Variants in DLG1 observed in about 807,000 individuals in gnomAD.
The protein encoded by DLG1 is disks large homolog 1.
Under a neutral mutation model 123.4 loss-of-function variants are expected in DLG1, and 42 were observed. The ratio of observed to expected loss-of-function variants is 0.34; its 90% CI spans 0.27 to 0.44. The LOEUF is 0.44. DLG1 is among the 20% of genes least tolerant of loss of function. DLG1 has a pLI of 1.00. For synonymous variants in DLG1, 317 were observed against 356.2 expected (o/e 0.89, Z 1.24); for missense variants, 942 against 1,082.6 (o/e 0.87, Z 1.82).
At chr3:197,283,869 T>TC (rs1770548919) in intron 3 of DLG1, among the ~76,000 whole-genome samples, 1 of 149,364 alleles carries the variant, frequency 6.7e-6, no homozygotes, top group African/African-American at 2.5e-5. Context: ...GTTTTTTTTT[T>TC]TTTTTTTTTT....
At chr3:197,181,160 TG>T (rs1447984854) in intron 5 of DLG1, among the ~76,000 whole-genome samples, 1 of 152,034 alleles carries the variant, frequency 6.6e-6, no homozygotes, top group Admixed American at 6.6e-5. Context: ...TGTGTATATT[TG>T]GGGGGATATT....
At chr3:197,064,435 C>T (rs965797814) in intron 22 of DLG1, among the ~76,000 whole-genome samples, 2 of 152,184 alleles carry the variant, frequency 1.3e-5, no homozygotes, top group South Asian at 2.1e-4. Flanking sequence ...TCAGGTGATC[C>T]GCCTGCCTTG....
At chr3:197,094,622 T>A (rs1449788666) in intron 14 of DLG1, among the ~76,000 whole-genome samples, 2 of 152,218 alleles carry the variant, frequency 1.3e-5, no homozygotes, top group African/African-American at 4.8e-5. Context: ...TGTTATATAC[T>A]CTCTTCCTTA....
At chr3:197,047,610 C>CAAAT (rs996118210) in intron 24 of DLG1, among the ~76,000 whole-genome samples, 4 of 147,090 alleles carry the variant, frequency 2.7e-5, no homozygotes, top group East Asian at 2.0e-4. Context: ...TTTTTTTAAA[C>CAAAT]AAATAGTATT....
intron 5 of DLG1, among the ~76,000 whole-genome samples, chr3:197,190,774 G>T (rs1239455268): frequency 6.6e-6 from 1 of 152,214 alleles, no homozygotes; most frequent in African/African-American, 2.4e-5. Flanking sequence ...ACTGTGGGAG[G>T]CCGAGGCGGG....
At chr3:197,063,513 T>G (rs1234299063) in intron 22 of DLG1, among the ~76,000 whole-genome samples, 1 of 152,194 alleles carries the variant, frequency 6.6e-6, no homozygotes, top group Non-Finnish European at 1.5e-5. Flanking sequence ...TTTCTCTTAT[T>G]TTATACCGTA....
chr3:197,292,332 C>T (rs1479938711), intron 3 of DLG1, among the ~76,000 whole-genome samples: 3 of 152,142 alleles, frequency 2.0e-5, no homozygotes, highest in African/African-American at 7.2e-5. Flanking sequence ...ATGAACCTTG[C>T]GGACTCTACA....
chr3:197,192,583 T>G (rs1561369126), intron 5 of DLG1, among the ~76,000 whole-genome samples: 1 of 152,114 alleles, frequency 6.6e-6, no homozygotes, highest in Non-Finnish European at 1.5e-5. Flanking sequence ...TCTCCTTAAC[T>G]CTCTTTTAGT....
At position 197,043,150 on chromosome 3, in the gene DLG1, T is replaced by TAACA. The variant is rs1721124987; in HGVS notation, c.*1469_*1472dup. On this transcript the variant is annotated 3_prime_UTR_variant, in exon 25 of 25. Transcript: ENST00000667157. ...TTGTGAAATAATTTCTACCTTTCAC[T>TAACA]AACATTTCTTAAAATTGCTCACCAT... 6.6e-6 allele frequency: 1 copy of TAACA among 152,218 alleles called. No individual in the cohort carries two copies. 9.4% of individuals were successfully genotyped at this position (152,218 alleles called of 1,614,324 possible). A position where few individuals can be genotyped will look rare whatever the true frequency, so the allele number is the denominator to read the frequency against.
intron 4 of DLG1, among the ~76,000 whole-genome samples, chr3:197,234,656 C>T (rs1745019171): frequency 6.6e-6 from 1 of 151,888 alleles, no homozygotes; most frequent in South Asian, 2.1e-4. Flanking sequence ...ACTGGGGGAA[C>T]AAAGAAAGAG....
At position 197,293,669 on chromosome 3, in the gene DLG1, C is replaced by T. The variant is rs146699859; in HGVS notation, c.151+2677G>A. On this transcript the variant is annotated intron_variant, in intron 3 of 24. Transcript: ENST00000667157. ...ATGCATGAAAAGTCAATATAAACTA[C>T]CAGTTCAAAGAATCAATCAATAAAT... Among the ~76,000 whole-genome samples, 63 of 152,034 alleles carry T rather than the reference C, an allele frequency of 4.1e-4. No individual in the cohort carries two copies. The East Asian group carries it at 9.9e-3, about 24-fold the overall frequency.
intron 13 of DLG1, among the ~76,000 whole-genome samples, chr3:197,106,930 T>C (rs565159181): frequency 5.3e-5 from 8 of 152,318 alleles, no homozygotes; most frequent in Non-Finnish European, 7.4e-5. Flanking sequence ...GTTTTTGGTA[T>C]ATTTGCAAGT....
intron 5 of DLG1, among the ~76,000 whole-genome samples, chr3:197,151,596 G>A (rs984235430): frequency 1.3e-5 from 2 of 152,298 alleles, no homozygotes; most frequent in East Asian, 1.9e-4. Flanking sequence ...TATACATAGA[G>A]TTCATTGTAC....
At chr3:197,061,353 A>G (rs1735655414) in intron 22 of DLG1, among the ~76,000 whole-genome samples, 1 of 152,202 alleles carries the variant, frequency 6.6e-6, no homozygotes, top group Non-Finnish European at 1.5e-5. Flanking sequence ...CTCTTTCTAT[A>G]TATGTACATA....
At chr3:197,075,542 T>C (rs902815937) in intron 18 of DLG1, among the ~76,000 whole-genome samples, 9 of 151,978 alleles carry the variant, frequency 5.9e-5, no homozygotes, top group Non-Finnish European at 1.3e-4. Flanking sequence ...ATCTTAAAAG[T>C]TTTTATATTT....
chr3:197,156,035 C>T lies in DLG1; in HGVS notation c.484-6239G>A, dbSNP rs555762607. 3.2e-3 allele frequency among the ~76,000 whole-genome samples: 486 copies of T among 152,262 alleles called. 3 individuals carry two copies. Among genetic ancestry groups the T allele is most frequent in the Middle Eastern group, 0.014 (4 of 294 alleles). ...AATCAATTATTAGTTTAAAAGCTAA[C>T]ATTATAACTTTGATTTGTAACTTCA... is the stretch of plus-strand genomic sequence containing the variant. On this transcript the variant is annotated intron_variant, in intron 5 of 24. Transcript: ENST00000667157.
intron 1 of DLG1, chr3:197,297,994 C>G (rs1255477638): frequency 5.5e-6 from 5 of 912,656 alleles, no homozygotes; most frequent in Non-Finnish European, 6.5e-6. Context: ...CCTTCTCGGC[C>G]GCGCCGCCTC....
Position 197,207,353 on chromosome 3 carries a change from A to G in DLG1, c.319-12764T>C, listed in dbSNP as rs186725510. On this transcript the variant is annotated intron_variant, in intron 4 of 24. Coordinates refer to ENST00000667157, the MANE Select transcript of DLG1 (RefSeq NM_001366207.1). ...CCCAGGAATAAAACCAAAGTATCCA[A>G]ATGTCCGGCTTTACCAAATGAAAAG... Among the ~76,000 whole-genome samples, 182 of 152,368 alleles carry G rather than the reference A, an allele frequency of 1.2e-3. 1 individual carries two copies. Among genetic ancestry groups the G allele is most frequent in the South Asian group, 9.5e-3 (46 of 4,830 alleles).
At chr3:197,050,324 G>A (rs951637946) in intron 24 of DLG1, among the ~76,000 whole-genome samples, 3 of 151,346 alleles carry the variant, frequency 2.0e-5, no homozygotes, top group Non-Finnish European at 2.9e-5. Flanking sequence ...CCGAGATTGC[G>A]CCACTGCACT....
Sources: allele counts gnomAD v4.1 joint callset (sites outside exome capture counted in the v4.1 genomes callset), GRCh38; gene constraint gnomAD v4.1.1; transcripts MANE v1.5; gene names NCBI Gene and HGNC (gene_info 2026-07-23, HGNC 2026-07-21).